Variants in KIF13B observed in about 807,000 individuals in gnomAD.
KIF13B encodes the protein kinesin-like protein KIF13B.
A neutral mutation model predicts 222.0 loss-of-function variants in KIF13B; 127 were observed. The observed-to-expected ratio is 0.57, with a 90% CI of 0.50 to 0.66. KIF13B has a LOEUF of 0.66. Ranked by LOEUF, KIF13B falls within the 30% of genes least tolerant of loss-of-function variation. KIF13B has a pLI of 0.00. For synonymous variants in KIF13B, 976 were observed against 919.0 expected (o/e 1.06, Z -1.12); for missense variants, 2,173 against 2,379.0 (o/e 0.91, Z 1.80).
intron 1 of KIF13B, among the ~76,000 whole-genome samples, chr8:29,260,417 G>A (rs1477391799): frequency 6.6e-6 from 1 of 152,120 alleles, no homozygotes; most frequent in African/African-American, 2.4e-5. Flanking sequence ...TATAGATAGC[G>A]ATTTATAAGG....
chr8:29,169,253 TGAGAAAACAGG>T (rs1812135806), intron 10 of KIF13B, among the ~76,000 whole-genome samples: 1 of 152,186 alleles, frequency 6.6e-6, no homozygotes, highest in African/African-American at 2.4e-5. Flanking sequence ...GTTTTATCGG[TGAGAAAACAGG>T]TTTGTTCGGA....
chr8:29,151,210 C>G (rs912741648), intron 14 of KIF13B, among the ~76,000 whole-genome samples: 2 of 152,186 alleles, frequency 1.3e-5, no homozygotes, highest in Non-Finnish European at 2.9e-5. Context: ...AAGGTCCTAA[C>G]TCTCTTTAAT....
chr8:29,262,624 C>T (rs542792254), intron 1 of KIF13B, among the ~76,000 whole-genome samples: 9 of 151,614 alleles, frequency 5.9e-5, no homozygotes, highest in African/African-American at 1.7e-4. Flanking sequence ...AGGAGCGAGG[C>T]TGAGGGGCCA....
intron 36 of KIF13B, among the ~76,000 whole-genome samples, chr8:29,095,477 A>C (rs556640855): frequency 6.6e-6 from 1 of 152,356 alleles, no homozygotes; most frequent in East Asian, 1.9e-4. Flanking sequence ...TACTCTTAAG[A>C]AATACTAGGC....
intron 36 of KIF13B, among the ~76,000 whole-genome samples, chr8:29,093,793 G>A (rs1013723352): frequency 6.6e-6 from 1 of 151,946 alleles, no homozygotes; most frequent in Non-Finnish European, 1.5e-5. Context: ...AATCATGAGG[G>A]CGACCACTGA....
chr8:29,216,434 T>A (rs373895479), intron 2 of KIF13B, among the ~76,000 whole-genome samples: 1 of 152,110 alleles, frequency 6.6e-6, no homozygotes, highest in East Asian at 1.9e-4. Context: ...CCACCTCTAC[T>A]AAAAACACAA....
chr8:29,174,119 G>A (rs370853541), intron 10 of KIF13B, among the ~76,000 whole-genome samples: 120 of 152,182 alleles, frequency 7.9e-4, no homozygotes, highest in African/African-American at 2.7e-3. Flanking sequence ...TGTGATAAGA[G>A]CACCTAAAAT....
intron 36 of KIF13B, 29 bp from the exon 37 acceptor site, chr8:29,092,907 AACAAAT>A: frequency 6.4e-7 from 1 of 1,572,398 alleles, no homozygotes; most frequent in South Asian, 1.2e-5. Flanking sequence ...AAAAAGATAA[AACAAAT>A]ACAATTACAT....
intron 24 of KIF13B, among the ~76,000 whole-genome samples, chr8:29,128,655 C>A (rs112976535): frequency 6.6e-6 from 1 of 152,160 alleles, no homozygotes; most frequent in South Asian, 2.1e-4. Context: ...GGGTGAAGTG[C>A]GCACTTGAAG....
chr8:29,145,674 A>C (rs1211583099), intron 18 of KIF13B, among the ~76,000 whole-genome samples: 2 of 152,092 alleles, frequency 1.3e-5, no homozygotes, highest in Non-Finnish European at 1.5e-5. Flanking sequence ...GGATTGATTA[A>C]AGTTTTGCTG....
At chr8:29,263,224 G>T, upstream of KIF13B, 2 of 557,218 alleles carry the variant, frequency 3.6e-6, no homozygotes, top group Non-Finnish European at 6.1e-6. Flanking sequence ...GTCGTCGTGG[G>T]CGGGGCCGCA....
intron 1 of KIF13B, 62 bp downstream of exon 1, chr8:29,262,918 G>A (rs1448372721): frequency 2.1e-6 from 3 of 1,414,810 alleles, no homozygotes; most frequent in Non-Finnish European, 2.9e-6. Flanking sequence ...GGCGGCCGAG[G>A]GAAGGGCGCG....
chr8:29,124,189 C>A, intron 26 of KIF13B, 66 bp from the exon 27 acceptor site: 2 of 930,250 alleles, frequency 2.1e-6, no homozygotes, highest in South Asian at 2.9e-5. Flanking sequence ...AACTGATGCT[C>A]TATCTTACCT....
At chr8:29,150,248 A>G (rs1394313078) in intron 15 of KIF13B, 49 bp downstream of exon 15, 1 of 1,023,044 alleles carries the variant, frequency 9.8e-7, no homozygotes, top group African/African-American at 1.6e-5. Flanking sequence ...TTTCTATTTC[A>G]GAGCACAATC....
intron 1 of KIF13B, among the ~76,000 whole-genome samples, chr8:29,260,088 T>C (rs1374748917): frequency 1.3e-5 from 2 of 152,218 alleles, no homozygotes; most frequent in Non-Finnish European, 2.9e-5. Context: ...AAATTAGCCA[T>C]TACAACTCTT....
intron 1 of KIF13B, among the ~76,000 whole-genome samples, chr8:29,256,641 T>A (rs1816487262): frequency 6.6e-6 from 1 of 152,366 alleles, no homozygotes; most frequent in Non-Finnish European, 1.5e-5. Context: ...CTCTTAAAGA[T>A]AATCATGTCC....
chr8:29,199,574 CAAAAAAA>C (rs10579222), intron 2 of KIF13B, among the ~76,000 whole-genome samples: 4 of 119,454 alleles, frequency 3.3e-5, no homozygotes, highest in Admixed American at 8.7e-5. Flanking sequence ...TTCCAAAATC[CAAAAAAA>C]AAAAAAAAAA....
intron 21 of KIF13B, among the ~76,000 whole-genome samples, chr8:29,136,532 G>GAC (rs1810563814): frequency 6.6e-6 from 1 of 151,998 alleles, no homozygotes; most frequent in South Asian, 2.1e-4. Flanking sequence ...GCAGTGAGTT[G>GAC]ACATCACGCC....
chr8:29,110,735 G>A (rs749104187), intron 32 of KIF13B: 5 of 152,392 alleles, frequency 3.3e-5, no homozygotes, highest in Middle Eastern at 3.4e-3. Flanking sequence ...TGAGCTGGCT[G>A]TGCATACAAA....
Sources: allele counts gnomAD v4.1 joint callset (sites outside exome capture counted in the v4.1 genomes callset), GRCh38; gene constraint gnomAD v4.1.1; transcripts MANE v1.5; gene names NCBI Gene and HGNC (gene_info 2026-07-23, HGNC 2026-07-21).